EPB41L4B: variants seen among roughly 807,000 people sequenced by gnomAD.
The protein encoded by EPB41L4B is band 4.1-like protein 4B.
A neutral mutation model predicts 112.5 loss-of-function variants in EPB41L4B; 30 were observed. The observed-to-expected ratio is 0.27, with a 90% CI of 0.20 to 0.36. The LOEUF (loss-of-function observed/expected upper bound fraction) is 0.36, where lower values mean the gene tolerates loss of function less well. EPB41L4B is among the 10% of genes least tolerant of loss of function. The pLI is 1.00. For missense variants in EPB41L4B, 1,024 were observed against 1,133.3 expected, an observed-to-expected ratio of 0.90 and a Z score of 1.38; for synonymous variants, 408 against 439.7, an observed-to-expected ratio of 0.93 and a Z score of 0.90.
chr9:109,314,624 C>A (rs1223622833), intron 1 of EPB41L4B, among the ~76,000 whole-genome samples: 6 of 126,072 alleles, frequency 4.8e-5, no homozygotes, highest in African/African-American at 2.4e-4. Context: ...GTGTTCATTA[C>A]CCCTCTCTCA....
intron 18 of EPB41L4B, among the ~76,000 whole-genome samples, chr9:109,207,602 A>G (rs2118783015): frequency 6.6e-6 from 1 of 152,038 alleles, no homozygotes; most frequent in East Asian, 1.9e-4. Flanking sequence ...GAGAGAAAGG[A>G]GAGGAGAGGA....
chr9:109,206,207 G>A (rs1254662817), intron 18 of EPB41L4B, among the ~76,000 whole-genome samples: 2 of 151,816 alleles, frequency 1.3e-5, no homozygotes, highest in East Asian at 1.9e-4. Flanking sequence ...TTTGTGAGAC[G>A]GAGTCTCGCT....
At chr9:109,278,233 G>A (rs1170892064) in intron 2 of EPB41L4B, among the ~76,000 whole-genome samples, 1 of 152,128 alleles carries the variant, frequency 6.6e-6, no homozygotes, top group African/African-American at 2.4e-5. Context: ...GAAGGAACCC[G>A]GGAGGGTTCG....
chr9:109,229,003 A>G (rs965240904), intron 15 of EPB41L4B, among the ~76,000 whole-genome samples: 1 of 152,236 alleles, frequency 6.6e-6, no homozygotes, highest in Non-Finnish European at 1.5e-5. Context: ...TGATTATTTC[A>G]CATTGCATAC....
intron 25 of EPB41L4B, among the ~76,000 whole-genome samples, chr9:109,174,988 C>T (rs932103761): frequency 3.0e-4 from 41 of 137,798 alleles, no homozygotes; most frequent in Middle Eastern, 4.9e-3. Context: ...GTGATCTTGG[C>T]TCACTGCAAC....
chr9:109,224,702 T>C (rs999711678), intron 15 of EPB41L4B, among the ~76,000 whole-genome samples: 2 of 152,198 alleles, frequency 1.3e-5, no homozygotes, highest in African/African-American at 4.8e-5. Context: ...TTAAAGCTGA[T>C]AAAAATATCA....
At chr9:109,200,485 CATAATT>C (rs1482805412) in intron 19 of EPB41L4B, 151 bp from the exon 20 acceptor site, 2 of 496,456 alleles carry the variant, frequency 4.0e-6, no homozygotes, top group South Asian at 4.5e-5. Flanking sequence ...GTACTTAGTT[CATAATT>C]ATAATTATAT....
intron 22 of EPB41L4B, 82 bp downstream of exon 22, chr9:109,192,196 C>A: frequency 9.0e-7 from 1 of 1,114,376 alleles, no homozygotes; most frequent in South Asian, 1.5e-5. Flanking sequence ...AACAGCAATG[C>A]CCACCTCTGT....
At chr9:109,316,668 C>T (rs1837647746) in intron 1 of EPB41L4B, among the ~76,000 whole-genome samples, 2 of 152,174 alleles carry the variant, frequency 1.3e-5, no homozygotes, top group African/African-American at 4.8e-5. Context: ...GTAGGGCGAG[C>T]AAGGGCTCAT....
intron 15 of EPB41L4B, chr9:109,241,783 T>G (rs901256095): frequency 6.2e-7 from 1 of 1,614,072 alleles, no homozygotes; most frequent in African/African-American, 1.3e-5. Flanking sequence ...TGCTTTCCAA[T>G]GCGACCTGTC....
In EPB41L4B at chr9:109,208,058, A is replaced by G; in HGVS notation, c.1753-9T>C. The G allele has an allele frequency of 6.2e-7, 1 of 1,613,396 alleles. No individual in the cohort carries two copies. Among genetic ancestry groups the G allele is most frequent in the Non-Finnish European group, 8.5e-7 (1 of 1,179,846 alleles). ...ACTTTCTTTTCTTCAGCCTGAGACA[A>G]ACCAAAATACAAACAGCAGATTGTA... On this transcript the variant is annotated splice_polypyrimidine_tract_variant and intron_variant, in intron 17 of 25. Transcript: ENST00000374566.
chr9:109,187,034 T>C (rs1832295735), intron 22 of EPB41L4B, among the ~76,000 whole-genome samples: 1 of 152,186 alleles, frequency 6.6e-6, no homozygotes, highest in African/African-American at 2.4e-5. Context: ...CAGCTTGTAC[T>C]GGTGAGGATG....
intron 1 of EPB41L4B, among the ~76,000 whole-genome samples, chr9:109,310,818 C>G (rs945951439): frequency 6.6e-6 from 1 of 152,174 alleles, no homozygotes; most frequent in East Asian, 1.9e-4. Flanking sequence ...ATAAACTGTA[C>G]GTGGTATACT....
chr9:109,295,601 C>A (rs568041443), intron 1 of EPB41L4B, among the ~76,000 whole-genome samples: 53 of 152,218 alleles, frequency 3.5e-4, no homozygotes, highest in African/African-American at 1.3e-3. Flanking sequence ...CACTGCAAAA[C>A]CAGAATGAAA....
intron 15 of EPB41L4B, chr9:109,240,719 T>G (rs1346089776): frequency 4.1e-6 from 4 of 985,452 alleles, no homozygotes; most frequent in Non-Finnish European, 4.8e-6. Context: ...GAAAACCTTA[T>G]ATGCTTTCAT....
chr9:109,290,862 G>A (rs1420214869), intron 1 of EPB41L4B, among the ~76,000 whole-genome samples: 1 of 151,754 alleles, frequency 6.6e-6, no homozygotes, highest in Non-Finnish European at 1.5e-5. Flanking sequence ...TTTACTCTTG[G>A]ACATCATAAA....
chr9:109,225,417 G>A (rs1266027104), intron 15 of EPB41L4B, among the ~76,000 whole-genome samples: 2 of 152,194 alleles, frequency 1.3e-5, no homozygotes, highest in African/African-American at 4.8e-5. Flanking sequence ...CCACGTGGCT[G>A]GAGAGGCCTC....
intron 17 of EPB41L4B, among the ~76,000 whole-genome samples, chr9:109,212,145 A>G (rs1412916416): frequency 6.6e-6 from 1 of 152,180 alleles, no homozygotes; most frequent in Non-Finnish European, 1.5e-5. Flanking sequence ...ACGCTCCACC[A>G]ATAGTCATGG....
chr9:109,276,049 A>AT (rs1835803579), intron 2 of EPB41L4B, among the ~76,000 whole-genome samples: 4 of 148,076 alleles, frequency 2.7e-5, no homozygotes, highest in Admixed American at 2.0e-4. Context: ...ATATATATAA[A>AT]ATATATGTAT....
Sources: gnomAD v4.1 joint callset for allele counts (sites outside exome capture counted in the v4.1 genomes callset) on GRCh38, gnomAD v4.1.1 for gene constraint, MANE v1.5 for transcripts, NCBI Gene and HGNC (gene_info 2026-07-23, HGNC 2026-07-21) for gene names.